The following GRID2 variants were observed in gnomAD, a reference collection of about 807,000 sequenced individuals.
GRID2 encodes glutamate ionotropic receptor delta type subunit 2.
GRID2 carries 33 observed loss-of-function variants against 114.8 expected under a neutral mutation model. That is an observed-to-expected ratio of 0.29 (90% CI 0.22 to 0.38). GRID2 has a LOEUF of 0.38. GRID2 is among the 10% of genes least tolerant of loss of function. The pLI is 1.00. For missense variants in GRID2, 1,184 were observed against 1,257.7 expected (o/e 0.94, Z 0.89); for synonymous variants, 505 against 449.9 (o/e 1.12, Z -1.55).
intron 2 of GRID2, among the ~76,000 whole-genome samples, chr4:92,592,346 A>C (rs1728745360): frequency 6.6e-6 from 1 of 151,956 alleles, no homozygotes; most frequent in Non-Finnish European, 1.5e-5. Context: ...AAGTAGTAAG[A>C]AAAAAAATGA....
intron 14 of GRID2, among the ~76,000 whole-genome samples, chr4:93,646,095 A>G (rs1184333796): frequency 6.6e-6 from 1 of 152,178 alleles, no homozygotes; most frequent in Non-Finnish European, 1.5e-5. Context: ...AAAACAGTGA[A>G]CAAGACTGAC....
chr4:92,479,128 A>C (rs72661919), intron 1 of GRID2, among the ~76,000 whole-genome samples: 3,306 of 152,266 alleles, frequency 0.022, 47 homozygotes, highest in Non-Finnish European at 0.035. Flanking sequence ...ATATTTAACA[A>C]TGTAGTGATT....
At chr4:93,263,035 A>C (rs1306740460) in intron 8 of GRID2, among the ~76,000 whole-genome samples, 2 of 152,016 alleles carry the variant, frequency 1.3e-5, no homozygotes, top group African/African-American at 4.8e-5. Context: ...GGAAAAAAAT[A>C]GTGCCAGTTT....
At chr4:93,108,644 T>C (rs1349729998) in intron 3 of GRID2, among the ~76,000 whole-genome samples, 1 of 151,654 alleles carries the variant, frequency 6.6e-6, no homozygotes, top group Non-Finnish European at 1.5e-5. Context: ...TCTTTTTTTT[T>C]TTTTGAGATG....
rs537862827 is a variant in GRID2, at chr4:93,525,451, C to T, written c.2193+10040C>T. On this transcript the variant is annotated intron_variant, in intron 13 of 15. Coordinates refer to ENST00000282020, the MANE Select transcript of GRID2 (RefSeq NM_001510.4). The stretch of plus-strand genomic sequence containing the variant: ...AAGACACCTACTGGGCCATGTATCA[C>T]TGGAACTTGCTAATTGGACATTAAT... 2.6e-5 allele frequency among the ~76,000 whole-genome samples: 4 copies of T among 152,222 alleles called. No individual in the cohort carries two copies. In the East Asian group the frequency reaches 7.7e-4, roughly 29 times the overall value.
chr4:93,452,199 G>A (rs2149406522), intron 10 of GRID2, among the ~76,000 whole-genome samples: 1 of 152,228 alleles, frequency 6.6e-6, no homozygotes, highest in South Asian at 2.1e-4. Flanking sequence ...GAAATTCAAG[G>A]GAAAGTTGTG....
chr4:93,493,843 T>TA (rs1439402846), intron 12 of GRID2, among the ~76,000 whole-genome samples: 1 of 151,814 alleles, frequency 6.6e-6, no homozygotes, highest in Non-Finnish European at 1.5e-5. Flanking sequence ...TTCATTTTTT[T>TA]AAAAAATCAT....
intron 9 of GRID2, among the ~76,000 whole-genome samples, chr4:93,404,462 C>T (rs1766213636): frequency 6.6e-6 from 1 of 151,920 alleles, no homozygotes; most frequent in Non-Finnish European, 1.5e-5. Context: ...TGTTTAAATC[C>T]CCACCTCTCC....
At position 93,238,314 on chromosome 4, in the gene GRID2, TATTTA is replaced by T. The variant is rs1474742550; in HGVS notation, c.1126-56_1126-52del. 1.3e-5 allele frequency: 17 copies of T among 1,305,902 alleles called. No individual in the cohort carries two copies. The African/African-American group carries it at 2.3e-4, about 17-fold the overall frequency. The allele number at this position is 1,305,902 out of a possible 1,614,324, so 80.9% of individuals were successfully genotyped here. Reference sequence around the variant, plus strand: ...AGTTCCTAGAAGTTCCTTTTATGTTTATTTATTTATTTTTTTACTTCTCAAATTTT... The same window carrying T: ...AGTTCCTAGAAGTTCCTTTTATGTTTTTTATTTTTTTACTTCTCAAATTTT... On this transcript the variant is annotated intron_variant, in intron 7 of 15. Coordinates refer to ENST00000282020, the MANE Select transcript of GRID2 (RefSeq NM_001510.4).
chr4:93,100,553 G>A (rs1560878280), intron 3 of GRID2, among the ~76,000 whole-genome samples: 1 of 151,848 alleles, frequency 6.6e-6, no homozygotes, highest in Non-Finnish European at 1.5e-5. Context: ...GCTCAATGAT[G>A]TATCTCATAT....
Position 93,012,285 on chromosome 4 carries a change from A to T in GRID2, c.245-72710A>T, listed in dbSNP as rs866869788. Among the ~76,000 whole-genome samples the T allele has an allele frequency of 2.6e-5, 4 of 152,164 alleles. No individual in the cohort carries two copies. In the East Asian group the frequency reaches 7.8e-4, roughly 29 times the overall value. On this transcript the variant is annotated intron_variant, in intron 2 of 15. Coordinates refer to ENST00000282020, the MANE Select transcript of GRID2 (RefSeq NM_001510.4). The stretch of plus-strand genomic sequence containing the variant: ...CTTCGTTTTGTCTCTCCTTCAAATC[A>T]GCAGAGGCAGAAATGTGTTTTTAGT...
intron 2 of GRID2, among the ~76,000 whole-genome samples, chr4:92,999,803 T>A (rs1252025372): frequency 2.0e-5 from 3 of 151,692 alleles, no homozygotes; most frequent in Non-Finnish European, 4.4e-5. Context: ...AGATTGCTGA[T>A]ACATGCTGTC....
intron 8 of GRID2, among the ~76,000 whole-genome samples, chr4:93,387,705 C>G (rs1388754268): frequency 6.6e-6 from 1 of 151,898 alleles, no homozygotes; most frequent in Non-Finnish European, 1.5e-5. Flanking sequence ...TGGTGTGTGC[C>G]TGTAATCCCA....
At chr4:93,494,405 T>C (rs1043034980) in intron 12 of GRID2, among the ~76,000 whole-genome samples, 6 of 151,634 alleles carry the variant, frequency 4.0e-5, no homozygotes, top group Non-Finnish European at 8.9e-5. Context: ...CTTCTTTGAA[T>C]TGATGGTTGA....
intron 2 of GRID2, among the ~76,000 whole-genome samples, chr4:92,789,426 T>C (rs1208663628): frequency 2.0e-5 from 3 of 152,024 alleles, no homozygotes; most frequent in South Asian, 2.1e-4. Context: ...GGGATTTCAG[T>C]TGGACACACG....
chr4:92,601,568 C>G (rs777874818), intron 2 of GRID2, among the ~76,000 whole-genome samples: 18 of 152,048 alleles, frequency 1.2e-4, no homozygotes, highest in Non-Finnish European at 2.5e-4. Context: ...TAAAGGCCCA[C>G]ATCAAAAAGC....
chr4:93,047,602 A>G (rs1382110476), intron 2 of GRID2, among the ~76,000 whole-genome samples: 2 of 152,088 alleles, frequency 1.3e-5, no homozygotes, highest in Admixed American at 1.3e-4. Flanking sequence ...ACATATATAC[A>G]CATACCTCAA....
intron 6 of GRID2, among the ~76,000 whole-genome samples, chr4:93,223,139 A>G (rs1187569493): frequency 1.3e-5 from 2 of 152,008 alleles, no homozygotes; most frequent in African/African-American, 2.4e-5. Context: ...TCCAACCTGA[A>G]TGTTGATTCA....
chr4:93,286,677 A>ATGTGTGTGTGTGTGGGGGTG (rs1554025273), intron 8 of GRID2, among the ~76,000 whole-genome samples: 5 of 54,904 alleles, frequency 9.1e-5, no homozygotes, highest in Non-Finnish European at 2.0e-4. Flanking sequence ...GCTTTTGTGT[A>ATGTGTGTGTGTGTGGGGGTG]TGTGTGTGTG....
Sources: gnomAD v4.1 joint callset for allele counts (sites outside exome capture counted in the v4.1 genomes callset) on GRCh38, gnomAD v4.1.1 for gene constraint, MANE v1.5 for transcripts, NCBI Gene and HGNC (gene_info 2026-07-23, HGNC 2026-07-21) for gene names.